Variants in SORBS2 observed in about 807,000 individuals in gnomAD.
SORBS2 encodes the protein sorbin and SH3 domain-containing protein 2.
A neutral mutation model predicts 97.7 loss-of-function variants in SORBS2; 46 were observed. The ratio of observed to expected loss-of-function variants is 0.47; its 90% confidence interval spans 0.37 to 0.60. The LOEUF is 0.60. Among genes scored for constraint, SORBS2 ranks in the 20% least tolerant of loss-of-function variants. SORBS2 has a pLI of 0.00. For missense variants in SORBS2, 1,316 were observed against 1,282.3 expected, an observed-to-expected ratio of 1.03 and a Z score of -0.40; for synonymous variants, 476 against 473.4, an observed-to-expected ratio of 1.01 and a Z score of -0.07.
At chr4:185,678,288 G>T in intron 4 of SORBS2, 135 bp downstream of exon 7, 1 of 751,486 alleles carries the variant, frequency 1.3e-6, no homozygotes. Context: ...AACCTGGCAA[G>T]CAAACTAAAT....
chr4:185,642,250 T>G (rs1164529437), intron 4 of SORBS2, among the ~76,000 whole-genome samples: 1 of 152,200 alleles, frequency 6.6e-6, no homozygotes, highest in Admixed American at 6.5e-5. Context: ...GGGTTTAAGT[T>G]GCATTTCAAC....
chr4:185,827,011 GTCA>G (rs759596377), intron 1 of SORBS2, among the ~76,000 whole-genome samples: 14 of 115,180 alleles, frequency 1.2e-4, no homozygotes, highest in African/African-American at 2.3e-4. Context: ...CCCTGACTAC[GTCA>G]TCATCATCAT....
chr4:185,618,551 C>T, intron 9 of SORBS2, 34 bp downstream of exon 21: 2 of 1,297,340 alleles, frequency 1.5e-6, no homozygotes, highest in South Asian at 1.8e-5. Context: ...TTAAAACCAC[C>T]TTAAATCATA....
chr4:185,593,890 C>G (rs1158291789), exon 13 of SORBS2: 3 of 1,589,522 alleles, frequency 1.9e-6, no homozygotes, highest in South Asian at 1.1e-5. Context: ...ACTTACGGTT[C>G]CCCCCCACCT....
chr4:185,897,589 C>T (rs747439927), intron 1 of SORBS2, among the ~76,000 whole-genome samples: 1 of 152,154 alleles, frequency 6.6e-6, no homozygotes, highest in African/African-American at 2.4e-5. Flanking sequence ...TTCAGCGAAC[C>T]TTCAGAGGGT....
intron 1 of SORBS2, among the ~76,000 whole-genome samples, chr4:185,928,841 T>C (rs28507417): frequency 0.79 from 120,813 of 152,118 alleles, 48,192 homozygotes; most frequent in Middle Eastern, 0.89. Flanking sequence ...CCACCGCGCC[T>C]GGCCAAGAAG....
chr4:185,802,157 A>C (rs1014171338), intron 1 of SORBS2, among the ~76,000 whole-genome samples: 2 of 152,202 alleles, frequency 1.3e-5, no homozygotes, highest in African/African-American at 2.4e-5. Flanking sequence ...ACGATCAAAG[A>C]GTTTCTTTAT....
intron 2 of SORBS2, chr4:185,771,434 C>T (rs1208355113): frequency 6.6e-6 from 1 of 152,238 alleles, no homozygotes; most frequent in Non-Finnish European, 1.5e-5. Context: ...GAACATCTTC[C>T]TTTCCTCTGC....
At chr4:185,864,941 T>C (rs879303207) in intron 1 of SORBS2, among the ~76,000 whole-genome samples, 3 of 150,552 alleles carry the variant, frequency 2.0e-5, no homozygotes, top group Non-Finnish European at 3.0e-5. Context: ...AAGCATATCC[T>C]GGACGGTGGG....
chr4:185,945,068 T>C (rs2099273918), intron 1 of SORBS2, among the ~76,000 whole-genome samples: 1 of 152,238 alleles, frequency 6.6e-6, no homozygotes, highest in Admixed American at 6.5e-5. Context: ...TGCTCATATA[T>C]GCCAATGCCC....
At chr4:185,813,277 T>C (rs931543550) in intron 1 of SORBS2, among the ~76,000 whole-genome samples, 3 of 152,228 alleles carry the variant, frequency 2.0e-5, no homozygotes, top group East Asian at 3.9e-4. Flanking sequence ...TCCCTACCCA[T>C]GTTAACACTC....
chr4:185,924,825 T>G (rs941168672), intron 1 of SORBS2, among the ~76,000 whole-genome samples: 3 of 152,150 alleles, frequency 2.0e-5, no homozygotes, highest in African/African-American at 7.2e-5. Context: ...TGGGGAGCTG[T>G]TTTCTTCTTC....
chr4:185,616,128 T>G (rs2096622589), intron 9 of SORBS2, among the ~76,000 whole-genome samples: 1 of 152,250 alleles, frequency 6.6e-6, no homozygotes, highest in Admixed American at 6.5e-5. Flanking sequence ...TGGAATCTTC[T>G]GCATTGTTTT....
At chr4:185,802,289 G>A (rs2099134556) in intron 1 of SORBS2, among the ~76,000 whole-genome samples, 1 of 152,108 alleles carries the variant, frequency 6.6e-6, no homozygotes, top group Non-Finnish European at 1.5e-5. Flanking sequence ...CTGTCTTCCT[G>A]CACTAAATTG....
chr4:185,624,374 G>A (rs1351053544), exon 7 of SORBS2: 2 of 1,614,162 alleles, frequency 1.2e-6, no homozygotes, highest in East Asian at 4.5e-5. Flanking sequence ...GGCTCTTGGT[G>A]AGTCCCGAGG....
At chr4:185,805,859 T>C (rs1050339611) in intron 1 of SORBS2, among the ~76,000 whole-genome samples, 4 of 152,352 alleles carry the variant, frequency 2.6e-5, no homozygotes, top group East Asian at 1.9e-4. Context: ...GACACAGTTA[T>C]AGCACAACAA....
Position 185,606,948 on chromosome 4 carries a change from T to C in SORBS2, c.2796+4832A>G, listed in dbSNP as rs749061040. On this transcript the variant is annotated intron_variant, in intron 12 of 14. Transcript: ENST00000418609. The surrounding 1 kb of genome is among the most constrained non-coding windows in gnomAD (Gnocchi z 4.3). ...AGCCCCTTCTCATTTTTCTCAACTCTGCAAAGTTGCTTTGAGTTGTCGTTC... is the reference window on the plus strand; with the variant it reads ...AGCCCCTTCTCATTTTTCTCAACTCCGCAAAGTTGCTTTGAGTTGTCGTTC... The C allele has an allele frequency of 1.0e-6, 1 of 993,148 alleles. No individual in the cohort carries two copies. The highest frequency in any genetic ancestry group is 1.2e-6 in the Non-Finnish European group (1 of 834,318). The allele number at this position is 993,148 out of a possible 1,614,324, so 61.5% of individuals were successfully genotyped here.
chr4:185,841,092 C>T (rs1010502199), intron 1 of SORBS2, among the ~76,000 whole-genome samples: 9 of 152,288 alleles, frequency 5.9e-5, no homozygotes, highest in South Asian at 4.1e-4. Flanking sequence ...AAATGTGTGG[C>T]GTGCGGCATT....
intron 1 of SORBS2, among the ~76,000 whole-genome samples, chr4:185,787,615 A>G (rs1002698525): frequency 6.6e-6 from 1 of 152,190 alleles, no homozygotes; most frequent in African/African-American, 2.4e-5. Context: ...AAGTTTTTAT[A>G]TAAAATTCAG....
Sources: allele counts gnomAD v4.1 joint callset (sites outside exome capture counted in the v4.1 genomes callset), GRCh38; gene constraint gnomAD v4.1.1; non-coding constraint Gnocchi (gnomAD v3.1); transcripts MANE v1.5; gene names NCBI Gene and HGNC (gene_info 2026-07-23, HGNC 2026-07-21).